FAM13B: variants seen among roughly 807,000 people sequenced by gnomAD.
FAM13B encodes protein FAM13B.
A neutral mutation model predicts 117.3 loss-of-function variants in FAM13B; 60 were observed. The ratio of observed to expected loss-of-function variants is 0.51; its 90% CI spans 0.42 to 0.63. The LOEUF is 0.63. Among genes scored for constraint, FAM13B ranks in the 30% least tolerant of loss-of-function variants. The pLI, the probability that FAM13B is intolerant of heterozygous loss-of-function variation, is 0.00. For synonymous variants in FAM13B, 332 were observed against 356.1 expected, an observed-to-expected ratio of 0.93 and a Z score of 0.76; for missense variants, 972 against 1,091.9, an observed-to-expected ratio of 0.89 and a Z score of 1.55.
intron 4 of FAM13B, 54 bp from the exon 5 acceptor site, chr5:138,011,999 A>T: frequency 7.5e-7 from 1 of 1,333,308 alleles, no homozygotes; most frequent in Non-Finnish European, 1.0e-6. Context: ...CAAAGCTCTG[A>T]TATTTTGCCA....
chr5:137,989,252 G>A (rs1778002769), intron 7 of FAM13B, among the ~76,000 whole-genome samples: 1 of 152,188 alleles, frequency 6.6e-6, no homozygotes, highest in African/African-American at 2.4e-5. Context: ...CAAACGCTAT[G>A]AAGTTAGTAT....
chr5:137,986,266 C>T (rs1423652969), intron 9 of FAM13B, among the ~76,000 whole-genome samples: 1 of 151,858 alleles, frequency 6.6e-6, no homozygotes, highest in African/African-American at 2.4e-5. Context: ...ATTCCCAGCA[C>T]TGGTTTTCAC....
At chr5:138,027,237 G>C (rs1788663961) in intron 1 of FAM13B, among the ~76,000 whole-genome samples, 1 of 152,100 alleles carries the variant, frequency 6.6e-6, no homozygotes, top group African/African-American at 2.4e-5. Context: ...GACAAAATAG[G>C]ATACAATTCA....
At chr5:138,006,437 ACTCTTT>A (rs992920095) in intron 7 of FAM13B, among the ~76,000 whole-genome samples, 19 of 152,140 alleles carry the variant, frequency 1.2e-4, no homozygotes, top group African/African-American at 4.3e-4. Context: ...AGAAAGGTTC[ACTCTTT>A]CTCTTGAGTT....
At chr5:137,978,015 T>G (rs1000855619) in intron 10 of FAM13B, among the ~76,000 whole-genome samples, 1 of 152,190 alleles carries the variant, frequency 6.6e-6, no homozygotes, top group Non-Finnish European at 1.5e-5. Flanking sequence ...ACAAAGAAAT[T>G]GGGACTGCAT....
intron 7 of FAM13B, among the ~76,000 whole-genome samples, chr5:137,993,718 C>T (rs1388755451): frequency 1.3e-5 from 2 of 151,964 alleles, no homozygotes; most frequent in African/African-American, 4.8e-5. Context: ...ACCCAGGAGG[C>T]GGAGGTCGCA....
chr5:138,027,726 T>C (rs934221266), intron 1 of FAM13B, among the ~76,000 whole-genome samples: 1 of 152,254 alleles, frequency 6.6e-6, no homozygotes, highest in Non-Finnish European at 1.5e-5. Context: ...TTTGGCTCTG[T>C]GTCCCCACCT....
At chr5:138,026,350 G>C (rs116490043) in intron 1 of FAM13B, among the ~76,000 whole-genome samples, 11 of 152,214 alleles carry the variant, frequency 7.2e-5, no homozygotes, top group African/African-American at 2.6e-4. Flanking sequence ...AAGAGGCCAG[G>C]CATGATGGTT....
At chr5:137,997,270 G>C (rs28592174) in intron 7 of FAM13B, among the ~76,000 whole-genome samples, 112,135 of 151,884 alleles carry the variant, frequency 0.74, 42,057 homozygotes, top group East Asian at 0.97. Context: ...GAGTTCAAGG[G>C]CAGCCTGCCC....
intron 21 of FAM13B, 26 bp from the exon 22 acceptor site, chr5:137,943,064 C>T: frequency 6.2e-7 from 1 of 1,612,680 alleles, no homozygotes; most frequent in Non-Finnish European, 8.5e-7. Flanking sequence ...AACAGAGAAT[C>T]AAACATGCCT....
At chr5:137,966,488 T>TATATATATATAGAGAGAGAGAGAGAGAG (rs1461425784) in intron 10 of FAM13B, among the ~76,000 whole-genome samples, 3 of 29,482 alleles carry the variant, frequency 1.0e-4, no homozygotes, top group African/African-American at 1.3e-4. Flanking sequence ...TATATATATA[T>TATATATATATAGAGAGAGAGAGAGAGAG]AGAGAGAGAG....
intron 14 of FAM13B, among the ~76,000 whole-genome samples, chr5:137,956,043 C>A (rs1766448948): frequency 1.3e-5 from 2 of 152,118 alleles, no homozygotes; most frequent in Non-Finnish European, 2.9e-5. Flanking sequence ...GTGATGTTTT[C>A]TTTTTCCTCA....
At position 138,032,988 on chromosome 5, in the gene FAM13B, C is replaced by T; in HGVS notation, c.-409G>A. 1 of 986,396 alleles carries T rather than the reference C, an allele frequency of 1.0e-6. No homozygotes were observed. The highest frequency in any genetic ancestry group is 1.2e-6 in the Non-Finnish European group (1 of 830,686). The allele number at this position is 986,396 out of a possible 1,614,324, so 61.1% of individuals were successfully genotyped here. On this transcript the variant is annotated 5_prime_UTR_variant, in exon 1 of 24. Coordinates refer to ENST00000689681, the MANE Select transcript of FAM13B (RefSeq NM_001385994.1). ...CCCCGGATACCCCCGGCGGTGGTGG[C>T]GACGCAGACGCGGAACAGGGGGAGA...
At chr5:137,950,125 G>A (rs917696238) in intron 17 of FAM13B, among the ~76,000 whole-genome samples, 1 of 152,192 alleles carries the variant, frequency 6.6e-6, no homozygotes. Context: ...TTCAGAGAAG[G>A]AAAACAATAA....
upstream of FAM13B, among the ~76,000 whole-genome samples, chr5:138,035,158 A>G (rs932766669): frequency 1.3e-5 from 2 of 151,246 alleles, no homozygotes; most frequent in Non-Finnish European, 2.9e-5. Context: ...GACTACAGGG[A>G]CATGCCACCA....
chr5:137,959,451 T>C (rs1033168004), intron 13 of FAM13B, among the ~76,000 whole-genome samples, 165 bp downstream of exon 13: 2 of 152,236 alleles, frequency 1.3e-5, no homozygotes, highest in African/African-American at 4.8e-5. Flanking sequence ...AAAATCTCAG[T>C]GTGTTTCACT....
intron 10 of FAM13B, among the ~76,000 whole-genome samples, chr5:137,969,304 T>C (rs563726734): frequency 9.2e-4 from 140 of 152,298 alleles, no homozygotes; most frequent in Middle Eastern, 3.4e-3. Flanking sequence ...TCCCTGACCC[T>C]TGACCCCCAA....
intron 11 of FAM13B, among the ~76,000 whole-genome samples, chr5:137,960,553 A>G (rs974191379): frequency 6.6e-6 from 1 of 152,214 alleles, no homozygotes; most frequent in African/African-American, 2.4e-5. Context: ...TAAAGATTTT[A>G]TAAAATAAAT....
At chr5:138,024,395 A>G (rs1787615627) in intron 1 of FAM13B, among the ~76,000 whole-genome samples, 1 of 152,084 alleles carries the variant, frequency 6.6e-6, no homozygotes, top group Non-Finnish European at 1.5e-5. Flanking sequence ...GAACTACCAG[A>G]AGCTGGAAGA....
Sources: gnomAD v4.1 joint callset for allele counts (sites outside exome capture counted in the v4.1 genomes callset) on GRCh38, gnomAD v4.1.1 for gene constraint, MANE v1.5 for transcripts, NCBI Gene and HGNC (gene_info 2026-07-23, HGNC 2026-07-21) for gene names.